PFKFB3: variants seen among roughly 807,000 people sequenced by gnomAD.
PFKFB3 encodes 6-phosphofructo-2-kinase/fructose-2,6-bisphosphatase 3.
PFKFB3 carries 33 observed loss-of-function variants against 68.0 expected under a neutral mutation model. The observed-to-expected ratio is 0.49, with a 90% CI of 0.37 to 0.65. The LOEUF (loss-of-function observed/expected upper bound fraction) is 0.65. Ranked by LOEUF, PFKFB3 falls within the 30% of genes least tolerant of loss-of-function variation. The pLI, the probability that PFKFB3 is intolerant of heterozygous loss-of-function variation, is 0.00. For missense variants in PFKFB3, 586 were observed against 712.2 expected (o/e 0.82, Z 2.02); for synonymous variants, 315 against 288.2 (o/e 1.09, Z -0.94).
rs539859761 is a variant in PFKFB3 at position 6,229,696 on chromosome 10, G to A, written c.1516-3199G>A. ...TCCTTGTGTGAAACTTTTTGGACTT[G>A]GAGCCTGAAGGTTTTACATCTGTGC... On this transcript the variant is annotated intron_variant, in intron 14 of 14. Transcript: ENST00000379775. The surrounding 1 kb of genome is among the most constrained non-coding windows in gnomAD (Gnocchi z 4.3). Among the ~76,000 whole-genome samples, 5 of 152,320 alleles carry A rather than the reference G, an allele frequency of 3.3e-5. No individual in the cohort carries two copies. In the East Asian group the frequency reaches 9.6e-4, roughly 29 times the overall value.
At chr10:6,272,720 G>C in the PFKFB3 span, among the ~76,000 whole-genome samples, 2 of 151,980 alleles carry the variant, frequency 1.3e-5, no homozygotes, top group Non-Finnish European at 2.9e-5. Context: ...GAAATAGGTC[G>C]ACCTGGGCCC....
intron 1 of PFKFB3, among the ~76,000 whole-genome samples, chr10:6,196,876 A>C (rs1237853867): frequency 2.6e-5 from 4 of 152,030 alleles, no homozygotes; most frequent in East Asian, 3.9e-4. Context: ...TCCTGTCCTT[A>C]AGCAATCCTC....
Position 6,226,284 on chromosome 10 carries a change from C to T in PFKFB3, c.1434C>T (p.Ser478=). 2 of 1,614,208 alleles carry T rather than the reference C, an allele frequency of 1.2e-6. No homozygotes were observed. The highest frequency in any genetic ancestry group is 1.7e-6 in the Non-Finnish European group (2 of 1,180,012). Residue 478 remains serine, a synonymous_variant, in exon 14 of 15, where the codon AGC becomes AGT. Coordinates refer to ENST00000379775, the MANE Select transcript of PFKFB3 (RefSeq NM_004566.4). ...PEPTKKPRIN[S]FEEHVASTSA... is the part of the protein sequence containing the mutation. Reference sequence around the variant, plus strand: ...CCACCAAAAAGCCTCGCATCAACAGCTTTGAGGAGCATGTGGCCTCCACCT... The same window carrying T: ...CCACCAAAAAGCCTCGCATCAACAGTTTTGAGGAGCATGTGGCCTCCACCT...
the PFKFB3 span, among the ~76,000 whole-genome samples, chr10:6,300,444 G>A: frequency 2.6e-5 from 4 of 152,124 alleles, no homozygotes; most frequent in Non-Finnish European, 5.9e-5. Context: ...GTTGCATCAG[G>A]GAAGGCTCCC....
At chr10:6,199,756 C>T (rs1363648377), upstream of PFKFB3, among the ~76,000 whole-genome samples, 1 of 147,656 alleles carries the variant, frequency 6.8e-6, no homozygotes, top group Non-Finnish European at 1.5e-5. Context: ...CCGCCTGAGC[C>T]ACCCAAAGTG....
intron 1 of PFKFB3, among the ~76,000 whole-genome samples, chr10:6,207,427 G>T (rs925127108): frequency 6.7e-6 from 1 of 148,934 alleles, no homozygotes; most frequent in Non-Finnish European, 1.5e-5. Context: ...GGAGACCGTG[G>T]GGAGAGGGAG....
the PFKFB3 span, among the ~76,000 whole-genome samples, chr10:6,294,982 T>G: frequency 1.3e-5 from 2 of 152,104 alleles, no homozygotes; most frequent in South Asian, 2.1e-4. Context: ...TTTGTTTTTT[T>G]TTTTTATCAT....
chr10:6,283,442 G>A, the PFKFB3 span, among the ~76,000 whole-genome samples: 1 of 133,840 alleles, frequency 7.5e-6, no homozygotes, highest in African/African-American at 2.7e-5. Context: ...TGAGGCAACA[G>A]GCTGCCCCAC....
At chr10:6,254,218 C>G in exon 15 of PFKFB3, 1 of 398,346 alleles carries the variant, frequency 2.5e-6, no homozygotes, top group Non-Finnish European at 4.4e-6. Context: ...CCTGAGCCAC[C>G]AGTCCAGCCC....
intron 1 of PFKFB3, among the ~76,000 whole-genome samples, chr10:6,161,757 C>T (rs1368045814): frequency 3.3e-5 from 5 of 152,072 alleles, no homozygotes; most frequent in African/African-American, 4.8e-5. Flanking sequence ...CTCAGCCTCC[C>T]GAGTGGGTGG....
In PFKFB3 at chr10:6,213,440, A is replaced by G. The variant is rs555973576; in HGVS notation, c.77-183A>G. ...GAGGCTAAGGCCGGAGGATTGTTTA[A>G]GTCTAGAGGTTTGAGGCTGCAGTAA... On this transcript the variant is annotated intron_variant, in intron 1 of 14. Coordinates refer to ENST00000379775, the MANE Select transcript of PFKFB3 (RefSeq NM_004566.4). Among the ~76,000 whole-genome samples, 174 of 152,276 alleles carry G rather than the reference A, an allele frequency of 1.1e-3. 1 individual carries two copies. Among genetic ancestry groups the G allele is most frequent in the African/African-American group, 3.7e-3 (154 of 41,556 alleles).
the PFKFB3 span, among the ~76,000 whole-genome samples, chr10:6,260,841 T>G: frequency 1.3e-5 from 2 of 152,218 alleles, no homozygotes; most frequent in Non-Finnish European, 2.9e-5. Flanking sequence ...GAATAATGAT[T>G]CTTGCACACA....
At chr10:6,316,693 G>A in the PFKFB3 span, among the ~76,000 whole-genome samples, 169 of 152,252 alleles carry the variant, frequency 1.1e-3, 5 homozygotes, top group Admixed American at 0.011. Flanking sequence ...GGCCAGGCTG[G>A]TCTTGAACTA....
the PFKFB3 span, among the ~76,000 whole-genome samples, chr10:6,292,293 T>C: frequency 1.6e-5 from 2 of 125,502 alleles, no homozygotes; most frequent in Non-Finnish European, 1.7e-5. Context: ...TTTTTTTTTT[T>C]TTTTTTTTTG....
chr10:6,176,480 T>A (rs1842476793), intron 1 of PFKFB3, among the ~76,000 whole-genome samples: 1 of 152,170 alleles, frequency 6.6e-6, no homozygotes, highest in Non-Finnish European at 1.5e-5. Context: ...CCATCATCGC[T>A]CACTGCAACC....
At chr10:6,149,456 G>A (rs1050525850) in intron 1 of PFKFB3, among the ~76,000 whole-genome samples, 2 of 151,792 alleles carry the variant, frequency 1.3e-5, no homozygotes, top group Non-Finnish European at 1.5e-5. Context: ...GGGTGGGGGT[G>A]GGCGCCTGTA....
intron 1 of PFKFB3, among the ~76,000 whole-genome samples, chr10:6,205,035 C>G (rs976816481): frequency 1.3e-5 from 2 of 152,342 alleles, no homozygotes; most frequent in East Asian, 3.9e-4. Flanking sequence ...TCAACCTGCA[C>G]GTCTCACACG....
At chr10:6,168,782 G>T (rs1414868912) in intron 1 of PFKFB3, among the ~76,000 whole-genome samples, 1 of 152,200 alleles carries the variant, frequency 6.6e-6, no homozygotes, top group African/African-American at 2.4e-5. Flanking sequence ...CTTACATTCA[G>T]GCCTGGGGAT....
intron 1 of PFKFB3, among the ~76,000 whole-genome samples, chr10:6,175,543 T>A (rs10159543): frequency 0.03 from 4,554 of 152,250 alleles, 127 homozygotes; most frequent in African/African-American, 0.077. Context: ...AGGGCTGCAA[T>A]AGGAACCTGG....
Sources: gnomAD v4.1 joint callset for allele counts (sites outside exome capture counted in the v4.1 genomes callset) on GRCh38, gnomAD v4.1.1 for gene constraint, Gnocchi (gnomAD v3.1) non-coding constraint, MANE v1.5 for transcripts, NCBI Gene and HGNC (gene_info 2026-07-23, HGNC 2026-07-21) for gene names.